Variants in FYN observed in about 807,000 individuals in gnomAD.
FYN encodes FYN proto-oncogene, Src family tyrosine kinase, also known as tyrosine-protein kinase Fyn.
In FYN, 10 loss-of-function variants were observed where a neutral mutation model predicts 70.2. The ratio of observed to expected loss-of-function variants is 0.14; its 90% confidence interval spans 0.09 to 0.24. The LOEUF (loss-of-function observed/expected upper bound fraction) is 0.24. FYN is among the 10% of genes least tolerant of loss of function. FYN has a pLI of 1.00. For missense variants in FYN, 319 were observed against 673.1 expected (o/e 0.47, Z 5.82); for synonymous variants, 236 against 248.6 (o/e 0.95, Z 0.48).
At position 111,803,374 on chromosome 6, in the gene FYN, C is replaced by CT. The variant is rs36105401; in HGVS notation, c.-81-22740dup. On this transcript the variant is annotated intron_variant, in intron 2 of 13. Transcript: ENST00000354650. ...TGGAAGTAAGGTTTTACCCCACAAT[C>CT]TTTTTTTTTTAAGTCAACCGGTAAC... 7.0e-4 allele frequency among the ~76,000 whole-genome samples: 104 copies of CT among 149,530 alleles called. No individual in the cohort carries two copies. In the East Asian group the frequency reaches 0.015, roughly 21 times the overall value.
At chr6:111,666,470 G>A (rs1442216938) in intron 13 of FYN, among the ~76,000 whole-genome samples, 1 of 152,094 alleles carries the variant, frequency 6.6e-6, no homozygotes, top group Non-Finnish European at 1.5e-5. Context: ...AGCCTCACGG[G>A]AGCCACCAGC....
At chr6:111,787,853 C>T (rs904616927) in intron 2 of FYN, among the ~76,000 whole-genome samples, 1 of 152,204 alleles carries the variant, frequency 6.6e-6, no homozygotes, top group Non-Finnish European at 1.5e-5. Context: ...AAACTCAGGG[C>T]TTGGTGACAC....
intron 3 of FYN, among the ~76,000 whole-genome samples, chr6:111,762,045 A>T (rs150117069): frequency 3.9e-5 from 6 of 152,326 alleles, no homozygotes; most frequent in Non-Finnish European, 8.8e-5. Flanking sequence ...CAGCTTCAAC[A>T]CGTAGGCTGT....
chr6:111,782,544 G>A (rs1397851948), intron 2 of FYN, among the ~76,000 whole-genome samples: 1 of 152,132 alleles, frequency 6.6e-6, no homozygotes, highest in Non-Finnish European at 1.5e-5. Context: ...TCTCTTTTGA[G>A]AGTGAGTGAT....
intron 12 of FYN, chr6:111,676,320 A>G (rs1476225304): frequency 6.6e-6 from 1 of 152,240 alleles, no homozygotes; most frequent in African/African-American, 2.4e-5. Flanking sequence ...TCACATTAAC[A>G]CTGGAGCAGA....
At chr6:111,850,531 T>C (rs992130050) in intron 1 of FYN, among the ~76,000 whole-genome samples, 11 of 152,318 alleles carry the variant, frequency 7.2e-5, no homozygotes, top group African/African-American at 2.6e-4. Context: ...GCAACTTCCA[T>C]ATCGAGCGTG....
chr6:111,823,980 A>C (rs1322347226), intron 2 of FYN, among the ~76,000 whole-genome samples: 1 of 152,226 alleles, frequency 6.6e-6, no homozygotes, highest in Admixed American at 6.5e-5. Flanking sequence ...ATGCCTCAGG[A>C]ACTGAAAGCA....
In FYN at chr6:111,678,706, G is replaced by C. The variant is rs906773838; in HGVS notation, c.1274-4076C>G. 9.2e-5 allele frequency among the ~76,000 whole-genome samples: 14 copies of C among 152,204 alleles called. 1 individual carries two copies. Among genetic ancestry groups the C allele is most frequent in the East Asian group, 5.8e-4 (3 of 5,170 alleles). ...CAAAATTTATCTTCCCCACAATTTG[G>C]CTTCTCAATCCTTGGTGACTTTGTA... is the stretch of plus-strand genomic sequence containing the variant. On this transcript the variant is annotated intron_variant, in intron 12 of 13. Transcript: ENST00000354650.
At chr6:111,699,453 C>G in intron 9 of FYN, 1 of 1,556,568 alleles carries the variant, frequency 6.4e-7, no homozygotes, top group South Asian at 1.2e-5. Context: ...CATTTTTGTT[C>G]AAAACCATCC....
At chr6:111,823,287 C>A (rs771149666) in intron 2 of FYN, among the ~76,000 whole-genome samples, 13 of 152,164 alleles carry the variant, frequency 8.5e-5, no homozygotes, top group Non-Finnish European at 1.3e-4. Flanking sequence ...CAGCCCCAGC[C>A]GTGGCTGCTG....
intron 3 of FYN, among the ~76,000 whole-genome samples, chr6:111,736,697 C>T (rs1801724187): frequency 6.6e-6 from 1 of 152,180 alleles, no homozygotes; most frequent in East Asian, 1.9e-4. Flanking sequence ...CCAAGTGAAA[C>T]AAAATGGTCC....
chr6:111,680,275 G>A (rs1018515908), intron 12 of FYN, among the ~76,000 whole-genome samples: 3 of 152,212 alleles, frequency 2.0e-5, no homozygotes, highest in Admixed American at 6.5e-5. Flanking sequence ...CCAGGAGGAC[G>A]AAAGGGAACA....
intron 3 of FYN, among the ~76,000 whole-genome samples, chr6:111,751,110 C>A (rs1186895606): frequency 6.6e-6 from 1 of 152,146 alleles, no homozygotes; most frequent in East Asian, 1.9e-4. Flanking sequence ...TACTTTTATT[C>A]CTTTATTCTT....
intron 3 of FYN, among the ~76,000 whole-genome samples, chr6:111,764,233 G>GAAA (rs1441217283): frequency 2.8e-5 from 2 of 71,722 alleles, no homozygotes; most frequent in Non-Finnish European, 5.6e-5. Flanking sequence ...AAAAAAAAAA[G>GAAA]AAAAGAAAAA....
intron 2 of FYN, among the ~76,000 whole-genome samples, chr6:111,807,158 T>C (rs1246696611): frequency 6.6e-6 from 1 of 152,238 alleles, no homozygotes; most frequent in African/African-American, 2.4e-5. Flanking sequence ...AGAGGACTTA[T>C]TTATAATATT....
intron 3 of FYN, among the ~76,000 whole-genome samples, chr6:111,748,068 C>T (rs1321545549): frequency 6.6e-6 from 1 of 152,218 alleles, no homozygotes; most frequent in East Asian, 1.9e-4. Flanking sequence ...AATGACTTTC[C>T]TCTTTGATCT....
intron 2 of FYN, among the ~76,000 whole-genome samples, chr6:111,836,262 G>A (rs558777418): frequency 1.3e-5 from 2 of 152,244 alleles, no homozygotes; most frequent in East Asian, 3.9e-4. Flanking sequence ...ATAGGAGATG[G>A]CGATATGACG....
intron 12 of FYN, among the ~76,000 whole-genome samples, chr6:111,691,209 C>A (rs556193634): frequency 6.6e-6 from 1 of 152,136 alleles, no homozygotes; most frequent in South Asian, 2.1e-4. Flanking sequence ...TGGGATGGTG[C>A]GAAGTAAGGA....
intron 13 of FYN, among the ~76,000 whole-genome samples, chr6:111,668,594 C>T (rs1238021458): frequency 2.6e-5 from 4 of 152,046 alleles, no homozygotes; most frequent in Non-Finnish European, 4.4e-5. Context: ...GCACGTGAGG[C>T]TGGAACACAG....
Sources: allele counts gnomAD v4.1 joint callset (sites outside exome capture counted in the v4.1 genomes callset), GRCh38; gene constraint gnomAD v4.1.1; transcripts MANE v1.5; gene names NCBI Gene and HGNC (gene_info 2026-07-23, HGNC 2026-07-21).